The following CHKA variants were observed in gnomAD, a reference collection of about 807,000 sequenced individuals.
CHKA encodes the protein CHETK-alpha.
Under a neutral mutation model 60.1 loss-of-function variants are expected in CHKA, and 34 were observed. The observed-to-expected ratio is 0.57, with a 90% CI of 0.43 to 0.75. The LOEUF is 0.75. Ranked by LOEUF, CHKA falls within the 30% of genes least tolerant of loss-of-function variation. The probability of loss-of-function intolerance (pLI) is 0.00; values close to 1 mark genes in which losing one functional copy is unlikely to be tolerated. For missense variants in CHKA, 563 were observed against 561.3 expected, an observed-to-expected ratio of 1.00 and a Z score of -0.03; for synonymous variants, 217 against 223.1, an observed-to-expected ratio of 0.97 and a Z score of 0.24.
At chr11:68,079,168 A>C (rs538321743) in intron 3 of CHKA, among the ~76,000 whole-genome samples, 42 of 152,112 alleles carry the variant, frequency 2.8e-4, no homozygotes, top group Non-Finnish European at 5.1e-4. Context: ...TTGTGACCCC[A>C]AGTGATCAGC....
chr11:68,103,177 CA>C (rs1857790494), intron 1 of CHKA, among the ~76,000 whole-genome samples: 1 of 151,900 alleles, frequency 6.6e-6, no homozygotes, highest in Admixed American at 6.6e-5. Context: ...AGACATTTAT[CA>C]AAAGATGACA....
At chr11:68,084,316 GTATA>G (rs571314980) in intron 2 of CHKA, among the ~76,000 whole-genome samples, 1 of 132,506 alleles carries the variant, frequency 7.5e-6, no homozygotes, top group Non-Finnish European at 1.6e-5. Context: ...ATATACATGT[GTATA>G]TATATACACA....
intron 3 of CHKA, among the ~76,000 whole-genome samples, chr11:68,078,170 T>C (rs1178445515): frequency 6.6e-6 from 1 of 152,156 alleles, no homozygotes; most frequent in African/African-American, 2.4e-5. Flanking sequence ...AAACAAACAC[T>C]ATCCCCACAG....
At chr11:68,081,496 G>A in intron 2 of CHKA, 39 bp from the exon 3 acceptor site, 1 of 1,520,794 alleles carries the variant, frequency 6.6e-7, no homozygotes. Flanking sequence ...GGTGAGATGG[G>A]GAACACTAAA....
At position 68,053,160 on chromosome 11, in the gene CHKA, C is replaced by G. The variant is rs879652596; in HGVS notation, c.*828G>C. Reference sequence around the variant, plus strand: ...CAGCCTACTCACAGGATCCGACACTCCAGGCAGAGCAGAGGGCAGGAGAGG... The same window carrying G: ...CAGCCTACTCACAGGATCCGACACTGCAGGCAGAGCAGAGGGCAGGAGAGG... On this transcript the variant is annotated 3_prime_UTR_variant, in exon 12 of 12. Transcript: ENST00000265689. 10 of 157,218 alleles carry G rather than the reference C, an allele frequency of 6.4e-5. No individual in the cohort carries two copies. Among genetic ancestry groups the G allele is most frequent in the African/African-American group, 1.4e-4 (6 of 41,710 alleles). The allele number at this position is 157,218 out of a possible 1,614,324, so 9.7% of individuals were successfully genotyped here.
chr11:68,081,382 G>A lies in CHKA; in HGVS notation c.516+22C>T, dbSNP rs369917893. ...ACACTAGTTCACATCTCACACAGATGCAGAAAGACTGAATTACTTACTTGA... is the reference window on the plus strand; with the variant it reads ...ACACTAGTTCACATCTCACACAGATACAGAAAGACTGAATTACTTACTTGA... On this transcript the variant is annotated intron_variant, in intron 3 of 11. Transcript: ENST00000265689. 2.5e-6 allele frequency: 4 copies of A among 1,606,934 alleles called. No individual in the cohort carries two copies. The African/African-American group carries it at 5.3e-5, about 21-fold the overall frequency.
chr11:68,113,760 C>T (rs771499143), intron 1 of CHKA, among the ~76,000 whole-genome samples: 2 of 151,874 alleles, frequency 1.3e-5, no homozygotes. Context: ...TTTGGGAGGC[C>T]GAGGCAGGTG....
intron 1 of CHKA, among the ~76,000 whole-genome samples, chr11:68,116,162 T>C (rs976934727): frequency 6.6e-6 from 1 of 152,186 alleles, no homozygotes; most frequent in Non-Finnish European, 1.5e-5. Flanking sequence ...TCAAAAGATG[T>C]GTGTGAAACT....
chr11:68,073,538 G>A (rs574281039), intron 4 of CHKA, among the ~76,000 whole-genome samples: 90 of 152,144 alleles, frequency 5.9e-4, no homozygotes, highest in Middle Eastern at 6.8e-3. Flanking sequence ...AAAAGCCAGC[G>A]CAGTGAAGGC....
Position 68,121,141 on chromosome 11 carries a change from G to A in CHKA, c.37C>T (p.Pro13Ser), listed in dbSNP as rs1858632339. The stretch of plus-strand genomic sequence containing the variant: ...CTCAGCAGCAGCCCGAGCGGCGAGG[G>A]CTCCGCCTCGCCCCCGGTGCAGAAT... ...TKFCTGGEAE[P>S]SPLGLLLSCG... is the part of the protein sequence containing the mutation. Residue 13 changes from proline (P) to serine (S), a missense_variant, in exon 1 of 12, where the codon CCC becomes TCC. By Grantham distance (74) the Pro-to-Ser change is moderately conservative. Transcript: ENST00000265689. 1.7e-6 allele frequency: 2 copies of A among 1,209,798 alleles called. No homozygotes were observed. The highest frequency in any genetic ancestry group is 2.1e-6 in the Non-Finnish European group (2 of 966,068). The allele number at this position is 1,209,798 out of a possible 1,614,324, so 74.9% of individuals were successfully genotyped here. A position where few individuals can be genotyped will look rare whatever the true frequency, so the allele number is the denominator to read the frequency against.
At chr11:68,095,754 A>T (rs1857492307) in intron 2 of CHKA, among the ~76,000 whole-genome samples, 1 of 137,832 alleles carries the variant, frequency 7.3e-6, no homozygotes, top group Non-Finnish European at 1.5e-5. Flanking sequence ...TCAAAATCCT[A>T]CCACAGGCCA....
chr11:68,109,086 CTTTTTTTTTTT>C (rs1040771984), intron 1 of CHKA, among the ~76,000 whole-genome samples: 1 of 130,594 alleles, frequency 7.7e-6, no homozygotes, highest in Non-Finnish European at 1.7e-5. Flanking sequence ...TTTTCTTTTC[CTTTTTTTTTTT>C]TTTTTTTTTT....
intron 1 of CHKA, among the ~76,000 whole-genome samples, chr11:68,115,127 T>G (rs2153032420): frequency 6.6e-6 from 1 of 152,300 alleles, no homozygotes; most frequent in Non-Finnish European, 1.5e-5. Flanking sequence ...AAAAACAGAC[T>G]TTCTGTTAGA....
rs756092214 is a variant in CHKA at position 68,121,188 on chromosome 11, C to T, written c.-11G>A. On this transcript the variant is annotated 5_prime_UTR_variant, in exon 1 of 12. Transcript: ENST00000265689. Reference sequence around the variant, plus strand: ...GAATTTGGTTTTCATGCCCGACAGGCGGCCGAGGAGGCGCGGGCGGCCGCA... The same window carrying T: ...GAATTTGGTTTTCATGCCCGACAGGTGGCCGAGGAGGCGCGGGCGGCCGCA... 10 of 1,171,548 alleles carry T rather than the reference C, an allele frequency of 8.5e-6. No homozygotes were observed. The highest frequency in any genetic ancestry group is 4.7e-5 in the Admixed American group (1 of 21,072). The allele number at this position is 1,171,548 out of a possible 1,614,324, so 72.6% of individuals were successfully genotyped here. A position where few individuals can be genotyped will look rare whatever the true frequency, so the allele number is the denominator to read the frequency against.
At chr11:68,066,408 C>A (rs759774764) in intron 8 of CHKA, 21 bp downstream of exon 8, 2 of 1,548,188 alleles carry the variant, frequency 1.3e-6, no homozygotes, top group Non-Finnish European at 8.9e-7. Context: ...GAGATGGAAA[C>A]ACTGGACTGT....
rs1255619850 is a variant in CHKA, at chr11:68,053,997, A to G, written c.1365T>C (p.Leu455=). ...GGAGTCCTCCCCACAGTCACACCCC[A>G]AGCTTCCTCTTCTGGTGGAAATAGG... is the stretch of plus-strand genomic sequence containing the variant. ...FDAYFHQKRK[L]GV The change falls in exon 12 of 12, where the codon CTT becomes CTC. Residue 455 remains leucine, a synonymous_variant. Coordinates refer to ENST00000265689, the MANE Select transcript of CHKA (RefSeq NM_001277.3). 2 of 1,613,592 alleles carry G rather than the reference A, an allele frequency of 1.2e-6. No individual in the cohort carries two copies. The highest frequency in any genetic ancestry group is 1.7e-5 in the Admixed American group (1 of 59,964).
chr11:68,118,093 G>A (rs1319195078), intron 1 of CHKA, among the ~76,000 whole-genome samples: 1 of 152,150 alleles, frequency 6.6e-6, no homozygotes, highest in Non-Finnish European at 1.5e-5. Flanking sequence ...TTGAGGTGGT[G>A]AAGTCTCATC....
At chr11:68,058,040 C>T (rs1412053070) in intron 11 of CHKA, among the ~76,000 whole-genome samples, 2 of 152,160 alleles carry the variant, frequency 1.3e-5, no homozygotes, top group Non-Finnish European at 2.9e-5. Context: ...CAGGCATGTG[C>T]TACAGACACC....
At chr11:68,118,973 G>A (rs918889272) in intron 1 of CHKA, among the ~76,000 whole-genome samples, 5 of 152,184 alleles carry the variant, frequency 3.3e-5, no homozygotes, top group African/African-American at 1.2e-4. Flanking sequence ...CAGAGACCTG[G>A]CAGTTCAGGC....
Sources: gnomAD v4.1 joint callset for allele counts (sites outside exome capture counted in the v4.1 genomes callset) on GRCh38, gnomAD v4.1.1 for gene constraint, MANE v1.5 for transcripts, NCBI Gene and HGNC (gene_info 2026-07-23, HGNC 2026-07-21) for gene names.